HSPH1: variants seen among roughly 807,000 people sequenced by gnomAD.
HSPH1 encodes the protein heat shock protein 105 kDa.
A neutral mutation model predicts 100.0 loss-of-function variants in HSPH1; 40 were observed. The ratio of observed to expected loss-of-function variants is 0.40; its 90% CI spans 0.31 to 0.52. The LOEUF (loss-of-function observed/expected upper bound fraction) is 0.52. Ranked by LOEUF, HSPH1 falls within the 20% of genes least tolerant of loss-of-function variation. The pLI is 0.54. For synonymous variants in HSPH1, 403 were observed against 344.0 expected (o/e 1.17, Z -1.90); for missense variants, 876 against 1,015.1 (o/e 0.86, Z 1.86).
rs1955888551 is a variant in HSPH1 at position 31,136,567 on chromosome 13, C to A, written c.*751G>T. 1 of 152,498 alleles carries A rather than the reference C, an allele frequency of 6.6e-6. No individual in the cohort carries two copies. Among genetic ancestry groups the A allele is most frequent in the Non-Finnish European group, 1.5e-5 (1 of 68,016 alleles). 9.4% of individuals were successfully genotyped at this position (152,498 alleles called of 1,614,324 possible). A position where few individuals can be genotyped will look rare whatever the true frequency, so the allele number is the denominator to read the frequency against. On this transcript the variant is annotated 3_prime_UTR_variant, in exon 18 of 18. Coordinates refer to ENST00000320027, the MANE Select transcript of HSPH1 (RefSeq NM_006644.4). ...AAACTGGACACTAACTTCATTTCTG[C>A]TAGAATAATTCATATTCTCCCTCAT... is the stretch of plus-strand genomic sequence containing the variant.
Position 31,137,221 on chromosome 13 carries a change from A to G in HSPH1, c.*97T>C, listed in dbSNP as rs1955911449. The G allele has an allele frequency of 1.2e-6, 1 of 818,550 alleles. No individual in the cohort carries two copies. The highest frequency in any genetic ancestry group is 1.8e-5 in the African/African-American group (1 of 56,992). 50.7% of individuals were successfully genotyped at this position (818,550 alleles called of 1,614,324 possible). A position where few individuals can be genotyped will look rare whatever the true frequency, so the allele number is the denominator to read the frequency against. ...TACACAAAATTTCTAAATATCCTTA[A>G]AAAAGAAAATATAAATAGTTTCAGT... On this transcript the variant is annotated 3_prime_UTR_variant, in exon 18 of 18. Coordinates refer to ENST00000320027, the MANE Select transcript of HSPH1 (RefSeq NM_006644.4).
chr13:31,161,686 G>C lies in HSPH1; in HGVS notation c.-104C>G, dbSNP rs779470828. On this transcript the variant is annotated 5_prime_UTR_variant, in exon 1 of 18. Transcript: ENST00000320027. The stretch of plus-strand genomic sequence containing the variant: ...TTCTGCCCTGGCCGCGTTCTGCTCC[G>C]GCCCGCGGGGTCTGGCCGTTCCTCT... 2 of 1,549,688 alleles carry C rather than the reference G, an allele frequency of 1.3e-6. No homozygotes were observed. Among genetic ancestry groups the C allele is most frequent in the South Asian group, 2.3e-5 (2 of 85,676 alleles).
chr13:31,157,800 A>T (rs1333661906), intron 2 of HSPH1, among the ~76,000 whole-genome samples: 1 of 152,202 alleles, frequency 6.6e-6, no homozygotes, highest in East Asian at 1.9e-4. Context: ...ACCTACATAA[A>T]ATTTTGTAGC....
At position 31,145,727 on chromosome 13, in the gene HSPH1, C is replaced by G. The variant is rs368302544; in HGVS notation, c.1420G>C (p.Glu474Gln). ...VQNVSAQKDG[E>Q]KSRVKVKVRV... ...ACTTTGACTTTTACTCTAGATTTTT[C>G]TCCATCTTTCTGTGCAGAAACATTC... The change falls in exon 11 of 18, where the codon GAA becomes CAA. Residue 474 changes from glutamate to glutamine, a missense_variant. By Grantham distance (29) the Glu-to-Gln change is conservative. Transcript: ENST00000320027. 6.2e-7 allele frequency: 1 copy of G among 1,613,466 alleles called. No homozygotes were observed. The highest frequency in any genetic ancestry group is 1.3e-5 in the African/African-American group (1 of 74,864).
intron 17 of HSPH1, 101 bp downstream of exon 17, chr13:31,138,306 G>A: frequency 9.1e-7 from 1 of 1,102,792 alleles, no homozygotes; most frequent in Admixed American, 2.2e-5. Flanking sequence ...TTAGGATGAG[G>A]TAAAAGATTT....
intron 3 of HSPH1, 76 bp from the exon 4 acceptor site, chr13:31,154,831 A>G: frequency 8.0e-7 from 1 of 1,247,040 alleles, no homozygotes; most frequent in Non-Finnish European, 1.1e-6. Context: ...TCCAAAAATT[A>G]GCACACATTC....
In HSPH1 at chr13:31,143,850, T is replaced by G; in HGVS notation, c.1658A>C (p.Gln553Pro). 1.9e-6 allele frequency: 3 copies of G among 1,611,882 alleles called. No homozygotes were observed. Among genetic ancestry groups the G allele is most frequent in the Middle Eastern group, 1.7e-4 (1 of 6,050 alleles). Reference protein sequence around the residue: ...QVQTDAQQTSQSPPSPELTSE... With the variant: ...QVQTDAQQTSPSPPSPELTSE... ...GGTAAGTTCAGGTGAAGGGGGAGAC[T>G]GTGAGGTTTGTTGAGCATCAGTTTG... Residue 553 changes from glutamine to proline, a missense_variant, in exon 12 of 18, where the codon CAG becomes CCG. Coordinates refer to ENST00000320027, the MANE Select transcript of HSPH1 (RefSeq NM_006644.4).
chr13:31,159,192 C>T (rs1037958693), intron 1 of HSPH1, among the ~76,000 whole-genome samples: 3 of 152,180 alleles, frequency 2.0e-5, no homozygotes, highest in African/African-American at 4.8e-5. Flanking sequence ...ACCCTACACA[C>T]GACTAACAAA....
Position 31,137,439 on chromosome 13 carries a change from G to A in HSPH1, c.2456C>T (p.Pro819Leu), listed in dbSNP as rs544610284. 9.3e-6 allele frequency: 15 copies of A among 1,613,372 alleles called. No individual in the cohort carries two copies. The Admixed American group carries it at 1.5e-4, about 16-fold the overall frequency. Residue 819 changes from proline (P) to leucine (L), a missense_variant, in exon 18 of 18, where the codon CCA becomes CTA. Pro to Leu is a moderately conservative substitution (Grantham distance 98). Coordinates refer to ENST00000320027, the MANE Select transcript of HSPH1 (RefSeq NM_006644.4). ...SPKLERTPNG[P>L]NIDKKEEDLE... Reference sequence around the variant, plus strand: ...ATCTTCTTCCTTTTTATCAATATTTGGGCCATTTGGAGTTCTTTCCAGTTT... The same window carrying A: ...ATCTTCTTCCTTTTTATCAATATTTAGGCCATTTGGAGTTCTTTCCAGTTT...
intron 12 of HSPH1, among the ~76,000 whole-genome samples, chr13:31,143,170 T>C (rs1412689304): frequency 6.6e-6 from 1 of 152,134 alleles, no homozygotes; most frequent in South Asian, 2.1e-4. Context: ...CGGTGATTCA[T>C]AGTTAACAAC....
At chr13:31,147,100 G>C (rs543529356) in intron 10 of HSPH1, among the ~76,000 whole-genome samples, 27 of 152,240 alleles carry the variant, frequency 1.8e-4, no homozygotes, top group African/African-American at 5.8e-4. Context: ...GACGTTTTCA[G>C]TTTCAATCAA....
In HSPH1 at chr13:31,154,675, A is replaced by C. The variant is rs767371637; in HGVS notation, c.387T>G (p.Ala129=). Residue 129 remains alanine, a synonymous_variant, in exon 4 of 18, where the codon GCT becomes GCG. Coordinates refer to ENST00000320027, the MANE Select transcript of HSPH1 (RefSeq NM_006644.4). ...AMLLTKLKET[A]ENSLKKPVTD... ...TTACTGGTTTCTTGAGGCTGTTTTC[A>C]GCAGTTTCCTTCAGCTTAGTCAACA... 7 of 1,614,078 alleles carry C rather than the reference A, an allele frequency of 4.3e-6. No individual in the cohort carries two copies. Among genetic ancestry groups the C allele is most frequent in the Non-Finnish European group, 5.9e-6 (7 of 1,179,944 alleles).
At chr13:31,149,637 C>A (rs1437760231) in intron 8 of HSPH1, among the ~76,000 whole-genome samples, 1 of 152,072 alleles carries the variant, frequency 6.6e-6, no homozygotes, top group African/African-American at 2.4e-5. Flanking sequence ...ACTGTAATTC[C>A]CTGTGTGCTT....
intron 14 of HSPH1, 106 bp from the exon 15 acceptor site, chr13:31,139,213 C>G (rs2060175343): frequency 1.4e-6 from 1 of 728,268 alleles, no homozygotes; most frequent in South Asian, 1.6e-5. Context: ...TCTAGGAAGG[C>G]ACTCTGATTT....
At chr13:31,159,960 G>A (rs1316878227) in intron 1 of HSPH1, among the ~76,000 whole-genome samples, 3 of 152,138 alleles carry the variant, frequency 2.0e-5, no homozygotes, top group Non-Finnish European at 4.4e-5. Context: ...TTTCCTAGGG[G>A]AGAATCAAAT....
chr13:31,151,251 C>A (rs1956477631), intron 6 of HSPH1, 60 bp from the exon 7 acceptor site: 1 of 1,339,340 alleles, frequency 7.5e-7, no homozygotes, highest in Non-Finnish European at 1.0e-6. Context: ...TAACTAGAAT[C>A]TTAAATATTA....
At chr13:31,148,169 G>T (rs966856800) in intron 9 of HSPH1, 77 bp from the exon 10 acceptor site, 1 of 1,407,998 alleles carries the variant, frequency 7.1e-7, no homozygotes, top group East Asian at 2.3e-5. Flanking sequence ...ACAGAAAAGA[G>T]GCTTTCTAAA....
intron 1 of HSPH1, among the ~76,000 whole-genome samples, chr13:31,161,018 G>A (rs1400320253): frequency 6.6e-6 from 1 of 152,206 alleles, no homozygotes; most frequent in Non-Finnish European, 1.5e-5. Flanking sequence ...CCCGCTCCGC[G>A]GTGCGCAAAG....
intron 5 of HSPH1, 121 bp from the exon 6 acceptor site, chr13:31,151,863 A>T: frequency 1.3e-6 from 1 of 744,462 alleles, no homozygotes; most frequent in East Asian, 2.7e-5. Flanking sequence ...AGGTGAACAC[A>T]TTACATTCCT....
Sources: allele counts gnomAD v4.1 joint callset (sites outside exome capture counted in the v4.1 genomes callset), GRCh38; gene constraint gnomAD v4.1.1; transcripts MANE v1.5; gene names NCBI Gene and HGNC (gene_info 2026-07-23, HGNC 2026-07-21).